Variants in TMEM114 observed in about 807,000 individuals in gnomAD.
TMEM114 encodes the protein claudin-26.
TMEM114 carries 6 observed loss-of-function variants against 6.2 expected under a neutral mutation model. That is an observed-to-expected ratio of 0.97 (90% CI 0.53 to 1.91). TMEM114 has a LOEUF of 1.91. Ranked by LOEUF, TMEM114 falls within the 40% of genes most tolerant of loss-of-function variation. The probability of loss-of-function intolerance (pLI) is 0.01; values close to 1 mark genes in which losing one functional copy is unlikely to be tolerated. For missense variants in TMEM114, 218 were observed against 158.3 expected (o/e 1.38, Z -2.02); for synonymous variants, 104 against 73.0 (o/e 1.42, Z -2.16).
At chr16:8,563,593 GTGTGTGAATGAGTAAATGAGTGACTGAA>G in intron 2 of TMEM114, among the ~76,000 whole-genome samples, 2 of 151,260 alleles carry the variant, frequency 1.3e-5, no homozygotes, top group Non-Finnish European at 2.9e-5. Flanking sequence ...GAGTGAATGA[GTGTGTGAATGAGTAAATGAGTGACTGAA>G]TGAGTGAGTG....
At chr16:8,568,796 T>G (rs571734871), downstream of TMEM114, among the ~76,000 whole-genome samples, 19 of 152,318 alleles carry the variant, frequency 1.2e-4, no homozygotes, top group Admixed American at 1.2e-3. Flanking sequence ...TAAAAAACAC[T>G]GATGCCTGGA....
intron 2 of TMEM114, among the ~76,000 whole-genome samples, chr16:8,579,685 A>G (rs1321642200): frequency 6.6e-6 from 1 of 152,182 alleles, no homozygotes; most frequent in African/African-American, 2.4e-5. Flanking sequence ...TGGGCACTGA[A>G]TATGAGAATA....
chr16:8,538,491 T>C (rs1355392048), intron 2 of TMEM114, among the ~76,000 whole-genome samples: 2 of 148,776 alleles, frequency 1.3e-5, no homozygotes, highest in African/African-American at 5.1e-5. Context: ...GTGCTGTGGT[T>C]TTTTTGTTTG....
intron 2 of TMEM114, among the ~76,000 whole-genome samples, chr16:8,555,336 A>C (rs902741466): frequency 6.6e-5 from 10 of 152,248 alleles, no homozygotes; most frequent in Non-Finnish European, 1.5e-4. Context: ...CTGCAAGAGC[A>C]GGGCTACCCC....
downstream of TMEM114, chr16:8,569,475 A>T (rs1901648775): frequency 7.9e-7 from 1 of 1,258,590 alleles, no homozygotes; most frequent in African/African-American, 1.5e-5. Flanking sequence ...GGGCGTGAGG[A>T]CTTTGCAATC....
chr16:8,527,105 G>A, the TMEM114 span, among the ~76,000 whole-genome samples: 1 of 152,220 alleles, frequency 6.6e-6, no homozygotes, highest in African/African-American at 2.4e-5. Context: ...TACTCAGGAG[G>A]CTGAGGCAGG....
At chr16:8,538,182 G>A (rs905402738) in intron 2 of TMEM114, among the ~76,000 whole-genome samples, 7 of 149,726 alleles carry the variant, frequency 4.7e-5, no homozygotes, top group Non-Finnish European at 1.0e-4. Context: ...GTGCCTGCTT[G>A]TAGTCCCAGC....
At chr16:8,539,366 C>G (rs191102272) in intron 2 of TMEM114, among the ~76,000 whole-genome samples, 35 of 152,244 alleles carry the variant, frequency 2.3e-4, no homozygotes, top group Admixed American at 2.2e-3. Flanking sequence ...ACCCAAGACC[C>G]ACTTACCCAG....
intron 2 of TMEM114, among the ~76,000 whole-genome samples, chr16:8,548,593 T>C (rs1390993764): frequency 6.6e-6 from 1 of 151,868 alleles, no homozygotes; most frequent in Non-Finnish European, 1.5e-5. Flanking sequence ...ATCCTAGACC[T>C]TTTTCACCCC....
At chr16:8,528,182 T>C in the TMEM114 span, among the ~76,000 whole-genome samples, 1 of 152,146 alleles carries the variant, frequency 6.6e-6, no homozygotes, top group South Asian at 2.1e-4. Flanking sequence ...ACTACAGGTT[T>C]GAGCCACCAT....
At chr16:8,562,110 G>A (rs111173957) in intron 2 of TMEM114, among the ~76,000 whole-genome samples, 13,589 of 148,560 alleles carry the variant, frequency 0.091, 779 homozygotes, top group Middle Eastern at 0.17. Flanking sequence ...ATGAGTGAGC[G>A]AATAAGTAAG....
At chr16:8,538,570 C>A (rs1193790511) in intron 2 of TMEM114, among the ~76,000 whole-genome samples, 1 of 151,830 alleles carries the variant, frequency 6.6e-6, no homozygotes, top group Non-Finnish European at 1.5e-5. Context: ...TGCAGTGGTG[C>A]GATCTCAGCT....
chr16:8,590,046 C>G lies in TMEM114; in HGVS notation c.-208G>C, dbSNP rs1416715214. 10 of 379,054 alleles carry G rather than the reference C, an allele frequency of 2.6e-5. No individual in the cohort carries two copies. The Admixed American group carries it at 4.1e-4, about 16-fold the overall frequency. The allele number at this position is 379,054 out of a possible 1,614,324, so 23.5% of individuals were successfully genotyped here. On this transcript the variant is annotated 5_prime_UTR_variant, in exon 1 of 4. Transcript: ENST00000620492. ...TGCCGGCTCCGACCTGCACGCGCCC[C>G]CCGCTCAGCCGCCGTCCACGTTCCC...
chr16:8,546,698 T>A (rs999095827), intron 2 of TMEM114, among the ~76,000 whole-genome samples: 12 of 152,210 alleles, frequency 7.9e-5, no homozygotes, highest in African/African-American at 2.9e-4. Flanking sequence ...CAGATACCCC[T>A]ACCAGATCAC....
chr16:8,572,612 T>C (rs917796025), intron 2 of TMEM114, among the ~76,000 whole-genome samples: 1 of 152,138 alleles, frequency 6.6e-6, no homozygotes. Flanking sequence ...ATTTTTTTAT[T>C]TTTGGTAAAG....
intron 2 of TMEM114, among the ~76,000 whole-genome samples, chr16:8,586,702 G>A (rs1177992770): frequency 6.6e-6 from 1 of 152,028 alleles, no homozygotes; most frequent in Non-Finnish European, 1.5e-5. Context: ...TAGAGATGGG[G>A]TTTCACCATG....
chr16:8,561,769 G>A (rs926794323), intron 2 of TMEM114, among the ~76,000 whole-genome samples: 4 of 151,486 alleles, frequency 2.6e-5, no homozygotes, highest in Non-Finnish European at 4.4e-5. Flanking sequence ...GAATGAGTGA[G>A]TGAGGTAATG....
rs965111197 is a variant in TMEM114, at chr16:8,589,425, G to A, written c.221-132C>T. The A allele has an allele frequency of 1.3e-5, 5 of 398,202 alleles. No homozygotes were observed. The South Asian group carries it at 5.5e-4, about 44-fold the overall frequency. 24.7% of individuals were successfully genotyped at this position (398,202 alleles called of 1,614,324 possible). A position where few individuals can be genotyped will look rare whatever the true frequency, so the allele number is the denominator to read the frequency against. Reference sequence around the variant, plus strand: ...GGCGCGGGGAGAGCTAGAGCAGTTGGGATCGCAGCCGGGTGCCTCTCGGAA... The same window carrying A: ...GGCGCGGGGAGAGCTAGAGCAGTTGAGATCGCAGCCGGGTGCCTCTCGGAA... On this transcript the variant is annotated intron_variant, in intron 1 of 3. Coordinates refer to ENST00000620492, the MANE Select transcript of TMEM114 (RefSeq NM_001146336.2).
the TMEM114 span, among the ~76,000 whole-genome samples, chr16:8,527,828 G>C: frequency 6.6e-6 from 1 of 152,178 alleles, no homozygotes; most frequent in Admixed American, 6.5e-5. Context: ...GTTTGGGTCT[G>C]TGAGCTATTT....
Sources: gnomAD v4.1 joint callset for allele counts (sites outside exome capture counted in the v4.1 genomes callset) on GRCh38, gnomAD v4.1.1 for gene constraint, MANE v1.5 for transcripts, NCBI Gene and HGNC (gene_info 2026-07-23, HGNC 2026-07-21) for gene names.